Variants in ANK2 observed in about 807,000 individuals in gnomAD.
ANK2 encodes the protein ankyrin 2, also known as ankyrin-2.
ANK2 carries 83 observed loss-of-function variants against 360.5 expected under a neutral mutation model. The ratio of observed to expected loss-of-function variants is 0.23; its 90% CI spans 0.19 to 0.28. ANK2 has a LOEUF of 0.28. Among genes scored for constraint, ANK2 ranks in the 10% least tolerant of loss-of-function variants. ANK2 has a pLI of 1.00. For missense variants in ANK2, 4,201 were observed against 4,795.7 expected (o/e 0.88, Z 3.66); for synonymous variants, 1,740 against 1,759.5 (o/e 0.99, Z 0.28).
At chr4:112,855,351 C>T (rs2066101161) in intron 1 of ANK2, among the ~76,000 whole-genome samples, 1 of 152,240 alleles carries the variant, frequency 6.6e-6, no homozygotes, top group Admixed American at 6.5e-5. Flanking sequence ...TCCACATCTG[C>T]TGAAACAACT....
chr4:113,001,440 G>C (rs755277408), intron 2 of ANK2, among the ~76,000 whole-genome samples: 2 of 151,658 alleles, frequency 1.3e-5, no homozygotes, highest in Non-Finnish European at 2.9e-5. Flanking sequence ...AAAGACTATA[G>C]TCAAGTGGTT....
chr4:113,330,743 C>A (rs945935456), intron 27 of ANK2, among the ~76,000 whole-genome samples: 2 of 152,056 alleles, frequency 1.3e-5, no homozygotes, highest in Admixed American at 1.3e-4. Context: ...TGTGAATAAC[C>A]AGTATTTTAG....
At position 113,195,655 on chromosome 4, in the gene ANK2, C is replaced by T. The variant is rs188348263; in HGVS notation, c.187-713C>T. Among the ~76,000 whole-genome samples, 6 of 152,320 alleles carry T rather than the reference C, an allele frequency of 3.9e-5. No individual in the cohort carries two copies. In the East Asian group the frequency reaches 7.7e-4, roughly 20 times the overall value. ...CCATGTACCAGCTGCTAAACTGTCA[C>T]TTTATTTCCATTGCTCTGTTTAAGC... On this transcript the variant is annotated intron_variant, in intron 2 of 45. Transcript: ENST00000357077.
chr4:113,380,033 G>A (rs2097113376), intron 45 of ANK2, among the ~76,000 whole-genome samples: 2 of 152,112 alleles, frequency 1.3e-5, no homozygotes, highest in East Asian at 1.9e-4. Context: ...GTCCCACTGT[G>A]TGCTAATTCT....
At chr4:113,156,872 T>C (rs2097321462) in intron 1 of ANK2, among the ~76,000 whole-genome samples, 2 of 145,804 alleles carry the variant, frequency 1.4e-5, no homozygotes, top group East Asian at 2.5e-4. Context: ...TAAAAATATA[T>C]GTGTGTGTGA....
intron 7 of ANK2, 63 bp from the exon 8 acceptor site, chr4:113,240,422 T>C: frequency 1.6e-6 from 2 of 1,279,186 alleles, no homozygotes; most frequent in South Asian, 2.4e-5. Context: ...TCTTCACTAA[T>C]ACAATGGCTG....
At chr4:113,341,485 GCTTTCCCTT>G (rs1212131350) in intron 32 of ANK2, among the ~76,000 whole-genome samples, 194 bp from the exon 33 acceptor site, 2 of 152,058 alleles carry the variant, frequency 1.3e-5, no homozygotes, top group African/African-American at 4.8e-5. Context: ...ACTCCCTTCT[GCTTTCCCTT>G]CTTTCCTCCT....
In ANK2 at chr4:113,372,979, T is replaced by C. The variant is rs1361636268; in HGVS notation, c.11611-111T>C. The C allele has an allele frequency of 3.0e-6, 3 of 983,644 alleles. No individual in the cohort carries two copies. The Admixed American group carries it at 5.1e-5, about 17-fold the overall frequency. The allele number at this position is 983,644 out of a possible 1,614,324, so 60.9% of individuals were successfully genotyped here. ...CAGGATTTTGTATCTCAGCAATGCTTCTCAACATCGCCTTTGATTTTCTAA... is the reference window on the plus strand; with the variant it reads ...CAGGATTTTGTATCTCAGCAATGCTCCTCAACATCGCCTTTGATTTTCTAA... On this transcript the variant is annotated intron_variant, in intron 43 of 45. Coordinates refer to ENST00000357077, the MANE Select transcript of ANK2 (RefSeq NM_001148.6).
At chr4:113,161,498 A>G (rs904197030) in intron 1 of ANK2, among the ~76,000 whole-genome samples, 1 of 152,232 alleles carries the variant, frequency 6.6e-6, no homozygotes, top group Non-Finnish European at 1.5e-5. Context: ...CAAATTGAAT[A>G]GCCCAAACAT....
At chr4:113,065,266 A>G (rs2075146735) in intron 1 of ANK2, among the ~76,000 whole-genome samples, 1 of 152,130 alleles carries the variant, frequency 6.6e-6, no homozygotes, top group Non-Finnish European at 1.5e-5. Flanking sequence ...TGAAATTTAA[A>G]CAAATACAGC....
intron 1 of ANK2, chr4:113,151,187 T>C: frequency 8.2e-7 from 1 of 1,218,574 alleles, no homozygotes; most frequent in Non-Finnish European, 1.1e-6. Context: ...GAAGTTTTAA[T>C]TATAACCTTC....
intron 1 of ANK2, among the ~76,000 whole-genome samples, chr4:112,878,168 A>ATCTATCTATCTATCTATCTT (rs1161976923): frequency 4.0e-5 from 6 of 151,418 alleles, no homozygotes; most frequent in Non-Finnish European, 4.4e-5. Flanking sequence ...CTATCTATCT[A>ATCTATCTATCTATCTATCTT]TCTATCTATC....
intron 1 of ANK2, chr4:112,826,909 A>G: frequency 6.6e-7 from 1 of 1,525,060 alleles, no homozygotes; most frequent in Non-Finnish European, 9.1e-7. Context: ...CTTAATGAAG[A>G]AAATGCCTGT....
intron 13 of ANK2, among the ~76,000 whole-genome samples, chr4:113,262,429 T>C (rs1192274771): frequency 6.6e-6 from 1 of 152,058 alleles, no homozygotes; most frequent in Non-Finnish European, 1.5e-5. Context: ...GAGATCTTGC[T>C]ATGTCTCCCA....
At chr4:113,081,689 A>T (rs902875575) in intron 1 of ANK2, among the ~76,000 whole-genome samples, 9 of 152,198 alleles carry the variant, frequency 5.9e-5, no homozygotes, top group Non-Finnish European at 2.9e-5. Flanking sequence ...TAAAGATTGA[A>T]TTTACAAAGC....
upstream of ANK2, among the ~76,000 whole-genome samples, chr4:113,048,462 G>T (rs1188004732): frequency 6.2e-5 from 9 of 145,240 alleles, no homozygotes; most frequent in Non-Finnish European, 9.0e-5. Context: ...TTTAGTAGAG[G>T]CAGGGTTTCA....
chr4:112,993,469 AT>A (rs113947781), intron 2 of ANK2, among the ~76,000 whole-genome samples: 5,506 of 148,298 alleles, frequency 0.037, 233 homozygotes, highest in East Asian at 0.24. Flanking sequence ...TGCCTGGCTA[AT>A]TTTTTTTTTG....
At chr4:112,856,643 G>A (rs537355407) in intron 1 of ANK2, among the ~76,000 whole-genome samples, 39 of 152,220 alleles carry the variant, frequency 2.6e-4, no homozygotes, top group African/African-American at 7.0e-4. Context: ...CAGGAGAATC[G>A]CTTGAACCCA....
chr4:112,863,811 C>T (rs894619802), intron 1 of ANK2, among the ~76,000 whole-genome samples: 3 of 152,064 alleles, frequency 2.0e-5, no homozygotes, highest in Non-Finnish European at 2.9e-5. Context: ...CGTGAGCCAC[C>T]GCGCCCGGCC....
Sources: allele counts gnomAD v4.1 joint callset (sites outside exome capture counted in the v4.1 genomes callset), GRCh38; gene constraint gnomAD v4.1.1; transcripts MANE v1.5; gene names NCBI Gene and HGNC (gene_info 2026-07-23, HGNC 2026-07-21).